The following IKZF3 variants were observed in gnomAD, a reference collection of about 807,000 sequenced individuals.
The protein encoded by IKZF3 is zinc finger protein Aiolos.
IKZF3 carries 10 observed loss-of-function variants against 49.0 expected under a neutral mutation model. That is an observed-to-expected ratio of 0.20 (90% CI 0.13 to 0.35). The LOEUF (loss-of-function observed/expected upper bound fraction) is 0.35, where lower values mean the gene tolerates loss of function less well. IKZF3 is among the 10% of genes least tolerant of loss of function. The pLI is 1.00. For synonymous variants in IKZF3, 209 were observed against 228.2 expected, an observed-to-expected ratio of 0.92 and a Z score of 0.76; for missense variants, 498 against 664.8, an observed-to-expected ratio of 0.75 and a Z score of 2.76.
chr17:39,834,036 C>G (rs193147543), intron 1 of IKZF3, among the ~76,000 whole-genome samples: 1 of 152,324 alleles, frequency 6.6e-6, no homozygotes, highest in Non-Finnish European at 1.5e-5. Flanking sequence ...GTTTCTCAGA[C>G]TTTCCTTGTT....
At position 39,766,078 on chromosome 17, in the gene IKZF3, C is replaced by A; in HGVS notation, c.1242G>T (p.Gly414=). 1 of 1,614,174 alleles carries A rather than the reference C, an allele frequency of 6.2e-7. No individual in the cohort carries two copies. Among genetic ancestry groups the A allele is most frequent in the South Asian group, 1.1e-5 (1 of 91,082 alleles). The change falls in exon 8 of 8, where the codon GGG becomes GGT. Residue 414 remains glycine (G), a synonymous_variant. Coordinates refer to ENST00000346872, the MANE Select transcript of IKZF3 (RefSeq NM_012481.5). ...GGGGAACCTCCTTCAGAAGTGGCATCCCATTGCGGGCCCGAGACAGGACCA... is the reference window on the plus strand; with the variant it reads ...GGGGAACCTCCTTCAGAAGTGGCATACCATTGCGGGCCCGAGACAGGACCA... The part of the protein sequence containing the change: ...NHMVLSRARN[G]MPLLKEVPRS...
intron 3 of IKZF3, among the ~76,000 whole-genome samples, chr17:39,793,582 G>T (rs2061084497): frequency 6.6e-6 from 1 of 152,190 alleles, no homozygotes; most frequent in African/African-American, 2.4e-5. Context: ...AAAAGGAAAA[G>T]TAATTCTTTC....
intron 1 of IKZF3, chr17:39,834,932 G>C (rs2062222527): frequency 8.5e-6 from 3 of 354,502 alleles, no homozygotes; most frequent in East Asian, 7.1e-5. Flanking sequence ...GCCATGGGAG[G>C]GGGTAGGCTG....
intron 7 of IKZF3, among the ~76,000 whole-genome samples, chr17:39,769,871 A>T (rs1388621983): frequency 6.6e-6 from 1 of 152,246 alleles, no homozygotes; most frequent in Non-Finnish European, 1.5e-5. Context: ...CACCTGCAGC[A>T]TATGTCAGAA....
chr17:39,805,059 T>C (rs1013540565), intron 3 of IKZF3, among the ~76,000 whole-genome samples: 2 of 152,206 alleles, frequency 1.3e-5, no homozygotes, highest in African/African-American at 4.8e-5. Context: ...ACAAGCTCCT[T>C]ATCTCTCCCA....
intron 3 of IKZF3, among the ~76,000 whole-genome samples, chr17:39,813,880 G>A (rs1488971610): frequency 6.6e-6 from 1 of 152,222 alleles, no homozygotes; most frequent in African/African-American, 2.4e-5. Flanking sequence ...TCCTTTTGAA[G>A]CATATATTTG....
intron 5 of IKZF3, among the ~76,000 whole-genome samples, chr17:39,789,291 A>G (rs894617269): frequency 2.0e-5 from 3 of 152,138 alleles, no homozygotes; most frequent in African/African-American, 7.2e-5. Context: ...TTAGCCAGGC[A>G]CAGTGGCTCA....
At chr17:39,798,596 C>T (rs762084977) in intron 3 of IKZF3, among the ~76,000 whole-genome samples, 3 of 151,636 alleles carry the variant, frequency 2.0e-5, no homozygotes, top group Admixed American at 6.6e-5. Context: ...ACTTCTGCCT[C>T]CCGGGTTCAT....
At chr17:39,854,396 T>C (rs2062978282) in intron 1 of IKZF3, among the ~76,000 whole-genome samples, 2 of 150,366 alleles carry the variant, frequency 1.3e-5, no homozygotes, top group Non-Finnish European at 3.0e-5. Context: ...GTAATAATAA[T>C]GGTAAAAGTG....
intron 1 of IKZF3, among the ~76,000 whole-genome samples, chr17:39,836,427 G>T (rs1050572720): frequency 6.6e-6 from 1 of 152,196 alleles, no homozygotes; most frequent in Non-Finnish European, 1.5e-5. Context: ...TGGTGGAGGC[G>T]GGAGTGGAGG....
chr17:39,778,301 T>G, intron 6 of IKZF3: 1 of 505,750 alleles, frequency 2.0e-6, no homozygotes, highest in Non-Finnish European at 2.6e-6. Flanking sequence ...TTCTTTCTTT[T>G]TCTTTTTCTT....
chr17:39,805,269 A>G (rs1023276680), intron 3 of IKZF3, among the ~76,000 whole-genome samples: 3 of 152,230 alleles, frequency 2.0e-5, no homozygotes, highest in African/African-American at 4.8e-5. Context: ...CAACTATACT[A>G]TTATTTGCTT....
chr17:39,767,296 G>A (rs1490771282), intron 7 of IKZF3, among the ~76,000 whole-genome samples: 1 of 152,122 alleles, frequency 6.6e-6, no homozygotes, highest in Admixed American at 6.5e-5. Context: ...TACTTCTCAT[G>A]TCAAACTGCT....
Position 39,864,001 on chromosome 17 carries a change from A to C in IKZF3, c.7+119T>G. On this transcript the variant is annotated intron_variant, in intron 1 of 7. Transcript: ENST00000346872. ...TTGTCCTCTGAAATACCTCATATTT[A>C]CTTTTGACAAAAGAAGTAAATAGAA... 3.0e-6 allele frequency: 4 copies of C among 1,332,856 alleles called. No individual in the cohort carries two copies. The South Asian group carries it at 4.7e-5, about 16-fold the overall frequency. 82.6% of individuals were successfully genotyped at this position (1,332,856 alleles called of 1,614,324 possible). A position where few individuals can be genotyped will look rare whatever the true frequency, so the allele number is the denominator to read the frequency against.
At chr17:39,843,436 G>A (rs1261114924) in intron 1 of IKZF3, among the ~76,000 whole-genome samples, 1 of 149,068 alleles carries the variant, frequency 6.7e-6, no homozygotes, top group Non-Finnish European at 1.5e-5. Flanking sequence ...TCTTAACGGA[G>A]GGAAAAAAAA....
intron 6 of IKZF3, among the ~76,000 whole-genome samples, chr17:39,786,459 C>T (rs931533236): frequency 6.6e-6 from 1 of 152,130 alleles, no homozygotes; most frequent in Non-Finnish European, 1.5e-5. Flanking sequence ...GTCTGAAATA[C>T]AGAACTGCAA....
intron 1 of IKZF3, among the ~76,000 whole-genome samples, chr17:39,839,861 T>C (rs1363970886): frequency 6.6e-6 from 1 of 152,190 alleles, no homozygotes; most frequent in Non-Finnish European, 1.5e-5. Context: ...GGTCTCGCCA[T>C]GTTGCCCAGG....
At chr17:39,811,312 AG>A in intron 3 of IKZF3, among the ~76,000 whole-genome samples, 1 of 143,184 alleles carries the variant, frequency 7.0e-6, no homozygotes, top group Admixed American at 6.8e-5. Flanking sequence ...AAAGAGAAAG[AG>A]AGAAGGAAAG....
chr17:39,842,648 A>G (rs1231004053), intron 1 of IKZF3, among the ~76,000 whole-genome samples: 1 of 152,198 alleles, frequency 6.6e-6, no homozygotes, highest in Admixed American at 6.5e-5. Flanking sequence ...TTCTGAGTAC[A>G]TTATTCATGA....
Sources: allele counts gnomAD v4.1 joint callset (sites outside exome capture counted in the v4.1 genomes callset), GRCh38; gene constraint gnomAD v4.1.1; transcripts MANE v1.5; gene names NCBI Gene and HGNC (gene_info 2026-07-23, HGNC 2026-07-21).